Variants in ATAD2 observed in about 807,000 individuals in gnomAD.
ATAD2 encodes ATPase family AAA domain-containing protein 2.
Under a neutral mutation model 168.9 loss-of-function variants are expected in ATAD2, and 62 were observed. The observed-to-expected ratio is 0.37, with a 90% CI of 0.30 to 0.45. The LOEUF is 0.45. Among genes scored for constraint, ATAD2 ranks in the 20% least tolerant of loss-of-function variants. The pLI, the probability that ATAD2 is intolerant of heterozygous loss-of-function variation, is 1.00. For synonymous variants in ATAD2, 613 were observed against 571.6 expected, an observed-to-expected ratio of 1.07 and a Z score of -1.03; for missense variants, 1,419 against 1,667.8, an observed-to-expected ratio of 0.85 and a Z score of 2.60.
chr8:123,327,305 A>C (rs1435237111), intron 25 of ATAD2, among the ~76,000 whole-genome samples: 2 of 152,246 alleles, frequency 1.3e-5, no homozygotes, highest in Non-Finnish European at 2.9e-5. Flanking sequence ...ACTGCTAAAT[A>C]GTATTCTTTT....
intron 13 of ATAD2, among the ~76,000 whole-genome samples, chr8:123,351,995 G>A (rs1260848652): frequency 4.6e-5 from 7 of 152,066 alleles, no homozygotes; most frequent in Non-Finnish European, 1.0e-4. Flanking sequence ...TGATCCACCC[G>A]CCTTGGCCTC....
chr8:123,409,594 G>A (rs562319536), intron 1 of ATAD2, among the ~76,000 whole-genome samples: 6 of 152,152 alleles, frequency 3.9e-5, no homozygotes, highest in South Asian at 2.1e-4. Flanking sequence ...CTGGGCTCAG[G>A]TGATCCTTCT....
intron 1 of ATAD2, among the ~76,000 whole-genome samples, chr8:123,404,564 T>C (rs1813044485): frequency 1.3e-5 from 2 of 148,618 alleles, no homozygotes; most frequent in Admixed American, 6.6e-5. Context: ...ACTTTCTCTC[T>C]CTTTTTTTTT....
chr8:123,356,201 A>T, intron 13 of ATAD2, 188 bp downstream of exon 13: 1 of 324,004 alleles, frequency 3.1e-6, no homozygotes. Context: ...AAGTGCCAGG[A>T]ATACAGGTAT....
chr8:123,350,901 A>AT lies in ATAD2; in HGVS notation c.1647-1458dup, dbSNP rs983071400. Among the ~76,000 whole-genome samples, 321 of 142,590 alleles carry AT rather than the reference A, an allele frequency of 2.3e-3. 2 individuals are homozygous for AT. Among genetic ancestry groups the AT allele is most frequent in the Middle Eastern group, 3.6e-3 (1 of 278 alleles). The allele number at this position is 142,590 out of a possible 152,430, so 93.5% of individuals were successfully genotyped here. On this transcript the variant is annotated intron_variant, in intron 13 of 27. Transcript: ENST00000287394. ...TACCATGCCTGGCTAATTTTTTTGT[A>AT]TTTTTTTTTTTAGTAGAGACGAGAT...
chr8:123,377,883 A>C (rs1407523491), intron 2 of ATAD2, among the ~76,000 whole-genome samples: 2 of 152,262 alleles, frequency 1.3e-5, no homozygotes, highest in African/African-American at 2.4e-5. Flanking sequence ...GTACTACTTG[A>C]TGCCAATTCA....
chr8:123,392,892 T>G (rs1220805082), intron 1 of ATAD2, among the ~76,000 whole-genome samples: 1 of 152,200 alleles, frequency 6.6e-6, no homozygotes, highest in African/African-American at 2.4e-5. Context: ...TTTTAAAAGA[T>G]TCACTGCATT....
chr8:123,383,976 G>C (rs1226164804), intron 1 of ATAD2, among the ~76,000 whole-genome samples: 1 of 151,848 alleles, frequency 6.6e-6, no homozygotes, highest in Non-Finnish European at 1.5e-5. Context: ...AGCTACTTGG[G>C]AGGCTGAGGC....
rs199982401 is a variant in ATAD2 at position 123,344,748 on chromosome 8, AC to A, written c.2718+135del. On this transcript the variant is annotated intron_variant, in intron 19 of 27. Coordinates refer to ENST00000287394, the MANE Select transcript of ATAD2 (RefSeq NM_014109.4). Reference sequence around the variant, plus strand: ...CAATGAGCACATATACCAAATAGTTACCAATGGTATATTTGATAAGAAAACT... The same window carrying A: ...CAATGAGCACATATACCAAATAGTTACAATGGTATATTTGATAAGAAAACT... 8.7e-4 allele frequency: 800 copies of A among 919,250 alleles called. 14 individuals carry two copies. The East Asian group carries it at 0.019, about 22-fold the overall frequency. 56.9% of individuals were successfully genotyped at this position (919,250 alleles called of 1,614,324 possible).
chr8:123,387,810 A>AT (rs976265781), intron 1 of ATAD2, among the ~76,000 whole-genome samples: 1 of 152,160 alleles, frequency 6.6e-6, no homozygotes, highest in Non-Finnish European at 1.5e-5. Flanking sequence ...ATTCTATGTT[A>AT]TTTTTCACAG....
intron 19 of ATAD2, among the ~76,000 whole-genome samples, chr8:123,341,727 C>G (rs1828067900): frequency 6.6e-6 from 1 of 152,160 alleles, no homozygotes; most frequent in African/African-American, 2.4e-5. Flanking sequence ...GAGCTTTAGC[C>G]AGTGGAATTT....
At chr8:123,398,226 CTTT>C (rs1188897965), upstream of ATAD2, among the ~76,000 whole-genome samples, 9 of 101,764 alleles carry the variant, frequency 8.8e-5, no homozygotes, top group African/African-American at 1.3e-4. Flanking sequence ...GGTTCTTGTT[CTTT>C]TTTTTTTTTT....
Position 123,339,295 on chromosome 8 carries a change from T to C in ATAD2, c.2854+16A>G, listed in dbSNP as rs1262241968. 2.0e-6 allele frequency: 3 copies of C among 1,508,448 alleles called. No individual in the cohort carries two copies. Among genetic ancestry groups the C allele is most frequent in the Non-Finnish European group, 2.7e-6 (3 of 1,114,420 alleles). The allele number at this position is 1,508,448 out of a possible 1,614,324, so 93.4% of individuals were successfully genotyped here. A position where few individuals can be genotyped will look rare whatever the true frequency, so the allele number is the denominator to read the frequency against. ...TCTCAAAATTATTAAATATTAACTT[T>C]GATATAGAAACTAACCTGCTTTCTT... On this transcript the variant is annotated intron_variant, in intron 20 of 27. Coordinates refer to ENST00000287394, the MANE Select transcript of ATAD2 (RefSeq NM_014109.4).
At chr8:123,331,693 T>C (rs1827777105) in intron 24 of ATAD2, among the ~76,000 whole-genome samples, 1 of 152,206 alleles carries the variant, frequency 6.6e-6, no homozygotes, top group Non-Finnish European at 1.5e-5. Context: ...TGGGAGCACT[T>C]CCAGCATTAC....
Position 123,325,916 on chromosome 8 carries a change from C to T in ATAD2, c.3979G>A (p.Val1327Ile), listed in dbSNP as rs1414103436. The change falls in exon 26 of 28, where the codon GTT (valine) becomes ATT (isoleucine). Residue 1327 changes from valine to isoleucine, a missense_variant. This residue lies in a region of ATAD2 where 303 missense variants were observed against 304.3 expected (regional missense o/e 1.00). Transcript: ENST00000287394. ...ACTTTTAATCGCTCATGATCCACAACAAGTGAGGGTGTAGGCTGAGAAAGA... is the reference window on the plus strand; with the variant it reads ...ACTTTTAATCGCTCATGATCCACAATAAGTGAGGGTGTAGGCTGAGAAAGA... Reference protein sequence around the residue: ...AILSQPTPSLVVDHERLKNLL... With the variant: ...AILSQPTPSLIVDHERLKNLL... 2 of 1,614,122 alleles carry T rather than the reference C, an allele frequency of 1.2e-6. No individual in the cohort carries two copies. The highest frequency in any genetic ancestry group is 3.3e-5 in the Admixed American group (2 of 60,008).
At chr8:123,361,688 A>G in intron 8 of ATAD2, 42 bp from the exon 9 acceptor site, 4 of 1,511,348 alleles carry the variant, frequency 2.6e-6, no homozygotes, top group Non-Finnish European at 3.7e-6. Context: ...AAGGAAGGGC[A>G]GGAAAAAGAA....
chr8:123,396,844 C>A (rs6993899), upstream of ATAD2, among the ~76,000 whole-genome samples: 675 of 152,148 alleles, frequency 4.4e-3, 9 homozygotes, highest in African/African-American at 0.015. Context: ...TTCCCGCCAT[C>A]CAGGATTCAA....
intron 19 of ATAD2, among the ~76,000 whole-genome samples, chr8:123,344,274 T>C (rs1207587989): frequency 6.6e-6 from 1 of 151,658 alleles, no homozygotes; most frequent in Non-Finnish European, 1.5e-5. Context: ...AATACATGAA[T>C]ACATTTATTG....
rs768675158 is a variant in ATAD2, at chr8:123,347,108, A to G, written c.2196T>C (p.Asn732=). The G allele has an allele frequency of 1.2e-6, 2 of 1,610,306 alleles. No individual in the cohort carries two copies. Among genetic ancestry groups the G allele is most frequent in the Non-Finnish European group, 8.5e-7 (1 of 1,177,640 alleles). ...GTTTTATACCTGAGTCTAATGTTTTATTTGTTCTGAATTCTGCATGTGGAA... is the reference window on the plus strand; with the variant it reads ...GTTTTATACCTGAGTCTAATGTTTTGTTTGTTCTGAATTCTGCATGTGGAA... The part of the protein sequence containing the change: ...RVFPHAEFRT[N]KTLDSDISCP... The change falls in exon 16 of 28, where the codon AAT becomes AAC. Residue 732 remains asparagine, a synonymous_variant. Coordinates refer to ENST00000287394, the MANE Select transcript of ATAD2 (RefSeq NM_014109.4).
Sources: allele counts gnomAD v4.1 joint callset (sites outside exome capture counted in the v4.1 genomes callset), GRCh38; gene constraint gnomAD v4.1.1; regional missense constraint gnomAD v4.1.1; transcripts MANE v1.5; gene names NCBI Gene and HGNC (gene_info 2026-07-23, HGNC 2026-07-21).